Variants in RIMS4 observed in about 807,000 individuals in gnomAD.
The protein encoded by RIMS4 is regulating synaptic membrane exocytosis protein 4.
Under a neutral mutation model 29.0 loss-of-function variants are expected in RIMS4, and 9 were observed. The ratio of observed to expected loss-of-function variants is 0.31; its 90% CI spans 0.19 to 0.54. The LOEUF is 0.54. Ranked by LOEUF, RIMS4 falls within the 20% of genes least tolerant of loss-of-function variation. The pLI is 0.94. For synonymous variants in RIMS4, 130 were observed against 152.9 expected, an observed-to-expected ratio of 0.85 and a Z score of 1.10; for missense variants, 193 against 365.7, an observed-to-expected ratio of 0.53 and a Z score of 3.85.
chr20:44,762,471 G>A (rs1006549892), intron 2 of RIMS4, among the ~76,000 whole-genome samples: 4 of 152,158 alleles, frequency 2.6e-5, no homozygotes, highest in Admixed American at 1.3e-4. Flanking sequence ...TTCCAGGCAT[G>A]GAAGGAGCGC....
intron 2 of RIMS4, among the ~76,000 whole-genome samples, chr20:44,769,616 G>A (rs903643402): frequency 1.3e-5 from 2 of 152,158 alleles, no homozygotes; most frequent in Non-Finnish European, 2.9e-5. Flanking sequence ...AGAAAACACT[G>A]GCTCCCTTCC....
chr20:44,781,763 G>A (rs2066185695), intron 1 of RIMS4, among the ~76,000 whole-genome samples: 1 of 152,164 alleles, frequency 6.6e-6, no homozygotes, highest in Non-Finnish European at 1.5e-5. Flanking sequence ...TTTTCCTCAG[G>A]AAGCTATTTC....
intron 3 of RIMS4, 39 bp downstream of exon 3, chr20:44,758,033 C>T (rs2145442809): frequency 7.0e-7 from 1 of 1,430,040 alleles, no homozygotes; most frequent in Non-Finnish European, 9.7e-7. Flanking sequence ...TGACACCCAA[C>T]TCCCCTAGTC....
At chr20:44,797,872 C>T (rs1321469432) in intron 1 of RIMS4, among the ~76,000 whole-genome samples, 1 of 152,224 alleles carries the variant, frequency 6.6e-6, no homozygotes, top group Non-Finnish European at 1.5e-5. Context: ...TTACCTCCTG[C>T]TTATAGCTGT....
chr20:44,759,524 G>T (rs1197972040), intron 2 of RIMS4, among the ~76,000 whole-genome samples: 1 of 152,168 alleles, frequency 6.6e-6, no homozygotes, highest in Non-Finnish European at 1.5e-5. Flanking sequence ...CTCCCAAAGT[G>T]CTGGGATTAC....
At chr20:44,761,351 A>G (rs932434689) in intron 2 of RIMS4, among the ~76,000 whole-genome samples, 1 of 152,148 alleles carries the variant, frequency 6.6e-6, no homozygotes, top group Non-Finnish European at 1.5e-5. Context: ...ACTCACCTCT[A>G]TACTTTGAAG....
intron 2 of RIMS4, among the ~76,000 whole-genome samples, chr20:44,770,659 C>T (rs2066132984): frequency 6.6e-6 from 1 of 152,132 alleles, no homozygotes; most frequent in African/African-American, 2.4e-5. Flanking sequence ...TAACGTGTTC[C>T]CGTGATTCTG....
At chr20:44,808,875 C>T (rs2066310429) in intron 1 of RIMS4, among the ~76,000 whole-genome samples, 1 of 152,180 alleles carries the variant, frequency 6.6e-6, no homozygotes, top group Admixed American at 6.5e-5. Flanking sequence ...CCAGGAACTT[C>T]CTAAAACCGT....
At position 44,810,333 on chromosome 20, in the gene RIMS4, A is replaced by G; in HGVS notation, c.-62T>C. The G allele has an allele frequency of 2.1e-6, 1 of 486,050 alleles. No individual in the cohort carries two copies. Among genetic ancestry groups the G allele is most frequent in the Non-Finnish European group, 2.7e-6 (1 of 369,892 alleles). The allele number at this position is 486,050 out of a possible 1,614,324, so 30.1% of individuals were successfully genotyped here. A position where few individuals can be genotyped will look rare whatever the true frequency, so the allele number is the denominator to read the frequency against. The stretch of plus-strand genomic sequence containing the variant: ...GGCGGCGGCGGCGGGCGGCTTGGGC[A>G]GCTTGGCCGCCCCATTCTTGACGCG... On this transcript the variant is annotated 5_prime_UTR_variant, in exon 1 of 6. Coordinates refer to ENST00000372851, the MANE Select transcript of RIMS4 (RefSeq NM_182970.4).
At chr20:44,796,777 T>C (rs529671351) in intron 1 of RIMS4, among the ~76,000 whole-genome samples, 1 of 152,292 alleles carries the variant, frequency 6.6e-6, no homozygotes, top group Non-Finnish European at 1.5e-5. Context: ...CTGTCAAATA[T>C]GAAGAAGCTG....
chr20:44,792,380 C>T (rs2145472199), intron 1 of RIMS4, among the ~76,000 whole-genome samples: 1 of 150,874 alleles, frequency 6.6e-6, no homozygotes, highest in South Asian at 2.1e-4. Context: ...GCAACCTCCA[C>T]CTCCTAGATT....
At chr20:44,757,611 CA>C in intron 4 of RIMS4, 58 bp downstream of exon 4, 1 of 1,364,398 alleles carries the variant, frequency 7.3e-7, no homozygotes, top group Middle Eastern at 1.8e-4. Context: ...CCTCAGTACC[CA>C]TCAGGATATC....
At chr20:44,784,761 A>G (rs1239233670) in intron 1 of RIMS4, among the ~76,000 whole-genome samples, 6 of 152,236 alleles carry the variant, frequency 3.9e-5, no homozygotes. Context: ...GTTGCAGAGA[A>G]GCTGGGCCCC....
intron 1 of RIMS4, among the ~76,000 whole-genome samples, chr20:44,798,783 C>T (rs563598927): frequency 5.4e-4 from 82 of 152,366 alleles, no homozygotes; most frequent in African/African-American, 1.9e-3. Flanking sequence ...AGTTAGCCTG[C>T]AGCCAAGTGC....
intron 1 of RIMS4, among the ~76,000 whole-genome samples, chr20:44,786,693 C>G (rs897984480): frequency 6.6e-6 from 1 of 152,194 alleles, no homozygotes; most frequent in Non-Finnish European, 1.5e-5. Context: ...TCCTCAAGAA[C>G]TGGAATTCTC....
chr20:44,792,590 C>A (rs2066237968), intron 1 of RIMS4, among the ~76,000 whole-genome samples: 1 of 152,156 alleles, frequency 6.6e-6, no homozygotes, highest in Non-Finnish European at 1.5e-5. Flanking sequence ...CCGTGCCCGG[C>A]CTGAACTTAC....
chr20:44,774,574 T>C lies in RIMS4; in HGVS notation c.98-3161A>G, dbSNP rs1022833939. ...AGCTTTGGGACTCAGACTGGCTTCCTTGCTCCTCAGCTTGCAGACTGCCTA... is the reference window on the plus strand; with the variant it reads ...AGCTTTGGGACTCAGACTGGCTTCCCTGCTCCTCAGCTTGCAGACTGCCTA... On this transcript the variant is annotated intron_variant, in intron 1 of 5. Transcript: ENST00000372851. Among the ~76,000 whole-genome samples the C allele has an allele frequency of 3.3e-5, 5 of 152,216 alleles. No homozygotes were observed. In the East Asian group the frequency reaches 9.6e-4, roughly 29 times the overall value.
intron 1 of RIMS4, among the ~76,000 whole-genome samples, chr20:44,798,169 C>G (rs1008472342): frequency 6.6e-6 from 1 of 152,148 alleles, no homozygotes; most frequent in East Asian, 1.9e-4. Flanking sequence ...CTGCAAGGTG[C>G]AAAGTAGAAA....
chr20:44,806,883 T>C (rs961183814), intron 1 of RIMS4, among the ~76,000 whole-genome samples: 5 of 152,260 alleles, frequency 3.3e-5, no homozygotes, highest in South Asian at 2.1e-4. Context: ...AGCAGTTTTA[T>C]AGGCTTGCTA....
Sources: allele counts gnomAD v4.1 joint callset (sites outside exome capture counted in the v4.1 genomes callset), GRCh38; gene constraint gnomAD v4.1.1; transcripts MANE v1.5; gene names NCBI Gene and HGNC (gene_info 2026-07-23, HGNC 2026-07-21).